CREB3L1: variants seen among roughly 807,000 people sequenced by gnomAD.
CREB3L1 encodes the protein cAMP responsive element binding protein 3 like 1, also known as cyclic AMP-responsive element-binding protein 3-like protein 1.
CREB3L1 carries 33 observed loss-of-function variants against 54.5 expected under a neutral mutation model. That is an observed-to-expected ratio of 0.61 (90% CI 0.46 to 0.81). The LOEUF (loss-of-function observed/expected upper bound fraction) is 0.81. Among genes scored for constraint, CREB3L1 ranks in the 30% least tolerant of loss-of-function variants. The pLI, the probability that CREB3L1 is intolerant of heterozygous loss-of-function variation, is 0.00. For missense variants in CREB3L1, 656 were observed against 673.3 expected, an observed-to-expected ratio of 0.97 and a Z score of 0.29; for synonymous variants, 284 against 286.4, an observed-to-expected ratio of 0.99 and a Z score of 0.08.
chr11:46,319,753 C>A (rs900494573), intron 10 of CREB3L1, among the ~76,000 whole-genome samples: 3 of 152,072 alleles, frequency 2.0e-5, no homozygotes, highest in Non-Finnish European at 4.4e-5. Context: ...GTGGCACACA[C>A]CTGTAGTCCC....
At position 46,317,369 on chromosome 11, in the gene CREB3L1, C is replaced by T. The variant is rs766160168; in HGVS notation, c.1140C>T (p.Ala380=). ...TQTGTCLMVA[A]LCFVLVLGSL... ...TCTCTCTTTGCTACCAGGTGGCAGC[C>T]TTGTGCTTTGTTCTGGTGCTGGGCT... Residue 380 remains alanine, a synonymous_variant, in exon 10 of 12, where the codon GCC becomes GCT. Transcript: ENST00000621158. The T allele has an allele frequency of 1.9e-6, 3 of 1,613,820 alleles. No individual in the cohort carries two copies. The highest frequency in any genetic ancestry group is 1.3e-5 in the African/African-American group (1 of 74,932).
chr11:46,319,803 C>T (rs1300622430), intron 10 of CREB3L1, among the ~76,000 whole-genome samples: 1 of 151,032 alleles, frequency 6.6e-6, no homozygotes, highest in African/African-American at 2.4e-5. Context: ...CGCTTGAGCT[C>T]GGGAGGCGGA....
At chr11:46,288,273 G>C (rs1309513149) in intron 1 of CREB3L1, among the ~76,000 whole-genome samples, 1 of 152,006 alleles carries the variant, frequency 6.6e-6, no homozygotes, top group Non-Finnish European at 1.5e-5. Context: ...GCAGAGATGG[G>C]GTTTTGTTAT....
chr11:46,303,058 A>G (rs771261645), intron 2 of CREB3L1, among the ~76,000 whole-genome samples: 1 of 152,210 alleles, frequency 6.6e-6, no homozygotes, highest in African/African-American at 2.4e-5. Flanking sequence ...AATGCAGAAC[A>G]GAGACATAAT....
chr11:46,300,202 G>A (rs1244979912), intron 2 of CREB3L1, 39 bp downstream of exon 2: 3 of 1,484,684 alleles, frequency 2.0e-6, no homozygotes, highest in Non-Finnish European at 2.8e-6. Flanking sequence ...ACAGGCCCAG[G>A]AGGCCCAGGA....
Position 46,304,932 on chromosome 11 carries a change from C to A in CREB3L1, c.332-2884C>A, listed in dbSNP as rs950563099. 2.0e-5 allele frequency among the ~76,000 whole-genome samples: 3 copies of A among 152,250 alleles called. No homozygotes were observed. The East Asian group carries it at 5.8e-4, about 29-fold the overall frequency. On this transcript the variant is annotated intron_variant, in intron 2 of 11. Coordinates refer to ENST00000621158, the MANE Select transcript of CREB3L1 (RefSeq NM_052854.4). Reference sequence around the variant, plus strand: ...GCTTCCCGGAGGCCGGTGGCCAGGCCCTGTAATTTGGGAAGATTGTGGGTA... The same window carrying A: ...GCTTCCCGGAGGCCGGTGGCCAGGCACTGTAATTTGGGAAGATTGTGGGTA...
At chr11:46,311,703 G>C (rs1044982241) in intron 5 of CREB3L1, among the ~76,000 whole-genome samples, 1 of 152,108 alleles carries the variant, frequency 6.6e-6, no homozygotes, top group African/African-American at 2.4e-5. Flanking sequence ...TCACCATGTT[G>C]GCCAAGCTGG....
Position 46,307,947 on chromosome 11 carries a change from A to G in CREB3L1, c.463A>G (p.Thr155Ala). The change falls in exon 3 of 12, where the codon ACC becomes GCC. Residue 155 changes from threonine (T) to alanine (A), a missense_variant. Coordinates refer to ENST00000621158, the MANE Select transcript of CREB3L1 (RefSeq NM_052854.4). ...CATGGCTGCCGCGGCCGCCATGGCCACCACCCCGCTGCTGGGCCTCAGCCC... is the reference window on the plus strand; with the variant it reads ...CATGGCTGCCGCGGCCGCCATGGCCGCCACCCCGCTGCTGGGCCTCAGCCC... ...SAMAAAAAMA[T>A]TPLLGLSPLS... 6.5e-7 allele frequency: 1 copy of G among 1,547,630 alleles called. No homozygotes were observed.
chr11:46,305,688 ATATGTGTGTG>A (rs1458711241), intron 2 of CREB3L1, among the ~76,000 whole-genome samples: 2 of 71,852 alleles, frequency 2.8e-5, no homozygotes, highest in Non-Finnish European at 5.2e-5. Flanking sequence ...GTGTGTGTAT[ATATGTGTGTG>A]TGTGTGTGTG....
intron 1 of CREB3L1, among the ~76,000 whole-genome samples, chr11:46,286,534 C>T (rs1315530834): frequency 3.9e-5 from 6 of 152,194 alleles, no homozygotes; most frequent in Non-Finnish European, 5.9e-5. Context: ...CATGGTGGCT[C>T]ATGCCTGTAA....
chr11:46,316,317 ACT>A lies in CREB3L1; in HGVS notation c.1066_1067del (p.Leu356GlyfsTer74), dbSNP rs1939565792. ...TLLQQLQKLQ[T>X]LVTNKISRPY... ...GCTCCAGCAGCTGCAGAAACTCCAGACTCTGGTCACCAACAAGATCTCCAGAC... is the reference window on the plus strand; with the variant it reads ...GCTCCAGCAGCTGCAGAAACTCCAGACTGGTCACCAACAAGATCTCCAGAC... On this transcript the variant is annotated frameshift_variant, in exon 9 of 12. Coordinates refer to ENST00000621158, the MANE Select transcript of CREB3L1 (RefSeq NM_052854.4). LOFTEE classifies it high-confidence loss of function. The A allele has an allele frequency of 2.5e-6, 4 of 1,572,610 alleles. No individual in the cohort carries two copies. Among genetic ancestry groups the A allele is most frequent in the Non-Finnish European group, 3.5e-6 (4 of 1,159,386 alleles).
Position 46,308,140 on chromosome 11 carries a change from C to T in CREB3L1, c.516+140C>T, listed in dbSNP as rs1449301293. The T allele has an allele frequency of 1.2e-5, 9 of 777,058 alleles. No individual in the cohort carries two copies. The East Asian group carries it at 1.2e-4, about 10-fold the overall frequency. The allele number at this position is 777,058 out of a possible 1,614,324, so 48.1% of individuals were successfully genotyped here. A position where few individuals can be genotyped will look rare whatever the true frequency, so the allele number is the denominator to read the frequency against. ...CTCAGGGCTGAGGGTGGGAAGCCCC[C>T]GCCCAGCCCAGGCCTCCGCCTACCC... On this transcript the variant is annotated intron_variant, in intron 3 of 11. Transcript: ENST00000621158.
chr11:46,294,246 G>A (rs1939171091), intron 1 of CREB3L1, among the ~76,000 whole-genome samples: 1 of 152,124 alleles, frequency 6.6e-6, no homozygotes, highest in South Asian at 2.1e-4. Context: ...GGCCTATGGG[G>A]ACTGGGGGCT....
At position 46,278,294 on chromosome 11, in the gene CREB3L1, C is replaced by A; in HGVS notation, c.102+81C>A. On this transcript the variant is annotated intron_variant, in intron 1 of 11. Transcript: ENST00000621158. This position sits in a 1 kb window ranked among gnomAD's most constrained non-coding sequence, Gnocchi z 4.2. ...CGCCTGGGCCCCTAGAAGGACCCGA[C>A]TACACATCACTGGGCAGGAGCCGGG... The A allele has an allele frequency of 1.2e-6, 1 of 809,352 alleles. No individual in the cohort carries two copies. Among genetic ancestry groups the A allele is most frequent in the South Asian group, 1.7e-5 (1 of 59,862 alleles). 50.1% of individuals were successfully genotyped at this position (809,352 alleles called of 1,614,324 possible). A position where few individuals can be genotyped will look rare whatever the true frequency, so the allele number is the denominator to read the frequency against.
At chr11:46,305,954 G>T (rs1195286631) in intron 2 of CREB3L1, among the ~76,000 whole-genome samples, 3 of 151,798 alleles carry the variant, frequency 2.0e-5, no homozygotes, top group African/African-American at 7.3e-5. Context: ...AGCCAGGATA[G>T]TCTCGATCTC....
At chr11:46,287,136 C>T (rs1939066231) in intron 1 of CREB3L1, among the ~76,000 whole-genome samples, 1 of 152,208 alleles carries the variant, frequency 6.6e-6, no homozygotes, top group African/African-American at 2.4e-5. Flanking sequence ...TGAGCTTGGG[C>T]AGGTGCTTTA....
rs145001757 is a variant in CREB3L1, at chr11:46,298,346, C to T, written c.103-1589C>T. Among the ~76,000 whole-genome samples the T allele has an allele frequency of 7.1e-3, 1,078 of 152,320 alleles. 15 individuals are homozygous for T. The highest frequency in any genetic ancestry group is 0.025 in the African/African-American group (1,039 of 41,558). On this transcript the variant is annotated intron_variant, in intron 1 of 11. Coordinates refer to ENST00000621158, the MANE Select transcript of CREB3L1 (RefSeq NM_052854.4). Reference sequence around the variant, plus strand: ...AGGACCTAAGGCAGCCCCCCATCCCCCATCTCTTCTGACCCACCAGCAAAT... The same window carrying T: ...AGGACCTAAGGCAGCCCCCCATCCCTCATCTCTTCTGACCCACCAGCAAAT...
chr11:46,313,175 A>G (rs1309716698), intron 8 of CREB3L1, among the ~76,000 whole-genome samples: 1 of 152,190 alleles, frequency 6.6e-6, no homozygotes, highest in Non-Finnish European at 1.5e-5. Context: ...TCCTCAGACC[A>G]GCAACAATCC....
At chr11:46,288,439 T>C (rs1939087155) in intron 1 of CREB3L1, among the ~76,000 whole-genome samples, 1 of 152,236 alleles carries the variant, frequency 6.6e-6, no homozygotes, top group South Asian at 2.1e-4. Context: ...GCTGTTTTTA[T>C]TTTGATTGTT....
Sources: gnomAD v4.1 joint callset for allele counts (sites outside exome capture counted in the v4.1 genomes callset) on GRCh38, gnomAD v4.1.1 for gene constraint, Gnocchi (gnomAD v3.1) non-coding constraint, MANE v1.5 for transcripts, NCBI Gene and HGNC (gene_info 2026-07-23, HGNC 2026-07-21) for gene names.